Variants in ARHGAP39 observed in about 807,000 individuals in gnomAD.
ARHGAP39 encodes the protein rho GTPase-activating protein 39.
ARHGAP39 carries 44 observed loss-of-function variants against 106.9 expected under a neutral mutation model. The observed-to-expected ratio is 0.41, with a 90% CI of 0.32 to 0.53. The LOEUF (loss-of-function observed/expected upper bound fraction) is 0.53. ARHGAP39 is among the 20% of genes least tolerant of loss of function. The pLI, the probability that ARHGAP39 is intolerant of heterozygous loss-of-function variation, is 0.21. For synonymous variants in ARHGAP39, 768 were observed against 693.2 expected, an observed-to-expected ratio of 1.11 and a Z score of -1.69; for missense variants, 1,496 against 1,577.3, an observed-to-expected ratio of 0.95 and a Z score of 0.87.
chr8:144,661,700 C>T (rs935069529), intron 1 of ARHGAP39, among the ~76,000 whole-genome samples: 7 of 152,178 alleles, frequency 4.6e-5, no homozygotes, highest in South Asian at 4.1e-4. Context: ...ATGAACGAGA[C>T]GGGGTTTGCT....
chr8:144,589,842 G>C (rs138309006), intron 2 of ARHGAP39, among the ~76,000 whole-genome samples: 1 of 152,214 alleles, frequency 6.6e-6, no homozygotes, highest in Admixed American at 6.5e-5. Flanking sequence ...GCCAGGCCCC[G>C]CCTCCTCCAG....
At chr8:144,626,880 C>T (rs1186630043) in intron 1 of ARHGAP39, among the ~76,000 whole-genome samples, 1 of 152,236 alleles carries the variant, frequency 6.6e-6, no homozygotes, top group Non-Finnish European at 1.5e-5. Context: ...AAGAAAGGCA[C>T]AGCATGGAGG....
At chr8:144,534,549 C>G (rs941765075) in intron 7 of ARHGAP39, among the ~76,000 whole-genome samples, 1 of 152,218 alleles carries the variant, frequency 6.6e-6, no homozygotes, top group East Asian at 1.9e-4. Flanking sequence ...GGGAGCTGTC[C>G]AGGTATTTGA....
intron 1 of ARHGAP39, among the ~76,000 whole-genome samples, chr8:144,618,596 C>T: frequency 6.6e-6 from 1 of 151,970 alleles, no homozygotes; most frequent in South Asian, 2.1e-4. Context: ...GGACGCGCCT[C>T]AGCCATGCGC....
At chr8:144,579,730 G>C (rs1818898988) in intron 3 of ARHGAP39, among the ~76,000 whole-genome samples, 1 of 152,146 alleles carries the variant, frequency 6.6e-6, no homozygotes, top group African/African-American at 2.4e-5. Flanking sequence ...TGAAGCCTCA[G>C]ATGAGCCCGG....
chr8:144,674,773 G>A (rs1006607663), intron 1 of ARHGAP39, among the ~76,000 whole-genome samples: 10 of 152,186 alleles, frequency 6.6e-5, no homozygotes, highest in Non-Finnish European at 1.3e-4. Flanking sequence ...CTCGCTCGTC[G>A]GCACCCAAAG....
In ARHGAP39 at chr8:144,548,316, A is replaced by G; in HGVS notation, c.770T>C (p.Phe257Ser). ...GSQHSPSLQT[F>S]APEADGTIFF... Reference sequence around the variant, plus strand: ...GATGGTGCCGTCAGCCTCCGGGGCGAAGGTCTGCAGGCTGGGTGAGTGCTG... The same window carrying G: ...GATGGTGCCGTCAGCCTCCGGGGCGGAGGTCTGCAGGCTGGGTGAGTGCTG... Residue 257 changes from phenylalanine to serine, a missense_variant, in exon 5 of 12, where the codon TTC becomes TCC. Physicochemically the swap from Phe to Ser is radical, Grantham distance 155. This residue lies in a region of ARHGAP39 where 905 missense variants were observed against 816.4 expected (regional missense o/e 1.11). Coordinates refer to ENST00000377307, the MANE Select transcript of ARHGAP39 (RefSeq NM_025251.3). The surrounding 1 kb of genome is among the most constrained non-coding windows in gnomAD (Gnocchi z 7.4). 1 of 1,608,682 alleles carries G rather than the reference A, an allele frequency of 6.2e-7. No individual in the cohort carries two copies. Among genetic ancestry groups the G allele is most frequent in the South Asian group, 1.1e-5 (1 of 90,654 alleles).
At chr8:144,556,987 A>G (rs1817948977) in intron 3 of ARHGAP39, among the ~76,000 whole-genome samples, 1 of 143,590 alleles carries the variant, frequency 7.0e-6, no homozygotes, top group Non-Finnish European at 1.5e-5. Flanking sequence ...GAACCTTCAT[A>G]GTATTCAGAG....
chr8:144,624,126 G>A (rs1368361862), intron 1 of ARHGAP39, among the ~76,000 whole-genome samples: 4 of 152,180 alleles, frequency 2.6e-5, no homozygotes, highest in African/African-American at 7.2e-5. Flanking sequence ...CCTTACGCTC[G>A]TGCTAAATCA....
intron 2 of ARHGAP39, among the ~76,000 whole-genome samples, chr8:144,596,738 C>T (rs1819635897): frequency 1.3e-5 from 2 of 152,184 alleles, no homozygotes; most frequent in African/African-American, 4.8e-5. Context: ...GGGTCCTCGG[C>T]GAAGATAAGA....
chr8:144,539,564 C>CAGTTATTGCAGTT (rs1424394822), intron 6 of ARHGAP39, among the ~76,000 whole-genome samples: 1 of 152,200 alleles, frequency 6.6e-6, no homozygotes, highest in African/African-American at 2.4e-5. Flanking sequence ...ACGAGTGATC[C>CAGTTATTGCAGTT]ATTTGCAGTT....
upstream of ARHGAP39, among the ~76,000 whole-genome samples, chr8:144,689,216 G>A (rs185968285): frequency 6.6e-6 from 1 of 151,960 alleles, no homozygotes; most frequent in Non-Finnish European, 1.5e-5. Context: ...ATCACAGGGT[G>A]CCTGCAAGTT....
intron 3 of ARHGAP39, among the ~76,000 whole-genome samples, chr8:144,560,078 T>C (rs1818086094): frequency 6.6e-6 from 1 of 152,266 alleles, no homozygotes; most frequent in African/African-American, 2.4e-5. Flanking sequence ...CTATGACTAA[T>C]GTACATTGCT....
chr8:144,659,955 G>A (rs759102845), intron 1 of ARHGAP39, among the ~76,000 whole-genome samples: 1 of 152,086 alleles, frequency 6.6e-6, no homozygotes, highest in Non-Finnish European at 1.5e-5. Context: ...TCTCCCAAAT[G>A]CCAGGTTCAC....
At chr8:144,543,253 G>A (rs968808323) in intron 6 of ARHGAP39, among the ~76,000 whole-genome samples, 4 of 152,192 alleles carry the variant, frequency 2.6e-5, no homozygotes, top group Non-Finnish European at 5.9e-5. Flanking sequence ...GATTCCAGGT[G>A]TGAGCCACTG....
chr8:144,697,900 T>A, the ARHGAP39 span, among the ~76,000 whole-genome samples: 1 of 152,238 alleles, frequency 6.6e-6, no homozygotes, highest in East Asian at 1.9e-4. Flanking sequence ...TTTTTTGATA[T>A]GCTGCTTGAT....
intron 1 of ARHGAP39, among the ~76,000 whole-genome samples, chr8:144,664,531 T>C (rs1016740191): frequency 3.3e-5 from 5 of 152,330 alleles, no homozygotes; most frequent in Admixed American, 3.3e-4. Context: ...GACTCAGCCA[T>C]GGTTATGTGG....
At chr8:144,628,790 G>A (rs1231400608) in intron 1 of ARHGAP39, among the ~76,000 whole-genome samples, 2 of 152,150 alleles carry the variant, frequency 1.3e-5, no homozygotes, top group Non-Finnish European at 2.9e-5. Context: ...CAGTTTGTAG[G>A]AATTCCATGC....
intron 6 of ARHGAP39, among the ~76,000 whole-genome samples, chr8:144,541,196 T>C (rs577626263): frequency 6.6e-6 from 1 of 152,336 alleles, no homozygotes; most frequent in Admixed American, 6.5e-5. Context: ...GTTTCCAGCT[T>C]CAGGGTCACC....
Sources: allele counts gnomAD v4.1 joint callset (sites outside exome capture counted in the v4.1 genomes callset), GRCh38; gene constraint gnomAD v4.1.1; regional missense constraint gnomAD v4.1.1; non-coding constraint Gnocchi (gnomAD v3.1); transcripts MANE v1.5; gene names NCBI Gene and HGNC (gene_info 2026-07-23, HGNC 2026-07-21).